Variants in PRKCA observed in about 807,000 individuals in gnomAD.
PRKCA encodes protein kinase C alpha.
In PRKCA, 27 loss-of-function variants were observed where a neutral mutation model predicts 87.0. The observed-to-expected ratio is 0.31, with a 90% CI of 0.23 to 0.43. PRKCA has a LOEUF of 0.43. Among genes scored for constraint, PRKCA ranks in the 20% least tolerant of loss-of-function variants. PRKCA has a pLI of 1.00. For missense variants in PRKCA, 518 were observed against 852.3 expected, an observed-to-expected ratio of 0.61 and a Z score of 4.88; for synonymous variants, 329 against 311.1, an observed-to-expected ratio of 1.06 and a Z score of -0.61.
At chr17:66,452,127 A>T (rs1914357212) in intron 2 of PRKCA, among the ~76,000 whole-genome samples, 1 of 152,214 alleles carries the variant, frequency 6.6e-6, no homozygotes, top group Admixed American at 6.5e-5. Flanking sequence ...GAACCAAGAC[A>T]TCAGGTGACC....
intron 13 of PRKCA, among the ~76,000 whole-genome samples, chr17:66,751,158 G>A (rs1391935825): frequency 6.6e-6 from 1 of 152,256 alleles, no homozygotes; most frequent in East Asian, 1.9e-4. Flanking sequence ...GCGATGGCAG[G>A]ATGGAGGTGG....
At chr17:66,579,774 A>C (rs1367663838) in intron 3 of PRKCA, among the ~76,000 whole-genome samples, 1 of 152,108 alleles carries the variant, frequency 6.6e-6, no homozygotes, top group Non-Finnish European at 1.5e-5. Flanking sequence ...GTGAGTGATG[A>C]AATTTGGATT....
In PRKCA at chr17:66,774,173, G is replaced by C. The variant is rs1030498019; in HGVS notation, c.1605+106G>C. 16 of 1,586,856 alleles carry C rather than the reference G, an allele frequency of 1.0e-5. No homozygotes were observed. In the Admixed American group the frequency reaches 1.6e-4, roughly 16 times the overall value. On this transcript the variant is annotated intron_variant, in intron 14 of 16. Coordinates refer to ENST00000413366, the MANE Select transcript of PRKCA (RefSeq NM_002737.3). ...GACCTGACGTTTTAGTGCAGCTGGT[G>C]TTGGCGTGACTTCCCTGACCCAGGC...
chr17:66,520,281 C>T (rs1032025131), intron 3 of PRKCA, among the ~76,000 whole-genome samples: 6 of 151,838 alleles, frequency 4.0e-5, no homozygotes, highest in Non-Finnish European at 7.4e-5. Flanking sequence ...CCACCATGCC[C>T]GGCTAATTTT....
chr17:66,380,995 A>C (rs917570907), intron 2 of PRKCA, among the ~76,000 whole-genome samples: 16 of 150,008 alleles, frequency 1.1e-4, no homozygotes, highest in Non-Finnish European at 5.9e-5. Context: ...GCTAGAGTAC[A>C]GTGGCACCAT....
At chr17:66,705,089 T>G (rs990168495) in intron 8 of PRKCA, among the ~76,000 whole-genome samples, 3 of 152,134 alleles carry the variant, frequency 2.0e-5, no homozygotes, top group African/African-American at 7.2e-5. Flanking sequence ...AACAAAAAAA[T>G]CTATGTGCCC....
At chr17:66,390,683 A>AC (rs1193502890) in intron 2 of PRKCA, among the ~76,000 whole-genome samples, 1 of 151,052 alleles carries the variant, frequency 6.6e-6, no homozygotes, top group Non-Finnish European at 1.5e-5. Context: ...TAATTATGTG[A>AC]CCCCCCTGGG....
intron 3 of PRKCA, among the ~76,000 whole-genome samples, chr17:66,555,026 C>T (rs1323285341): frequency 3.3e-5 from 5 of 152,026 alleles, no homozygotes; most frequent in South Asian, 2.1e-4. Flanking sequence ...TACAGGCGCA[C>T]GCTGCCATGC....
chr17:66,540,694 C>G (rs911035714), intron 3 of PRKCA, among the ~76,000 whole-genome samples: 2 of 152,194 alleles, frequency 1.3e-5, no homozygotes, highest in Admixed American at 1.3e-4. Context: ...AGGCTGTAGG[C>G]TCTGTGAGAC....
intron 2 of PRKCA, among the ~76,000 whole-genome samples, chr17:66,469,184 C>T (rs1257167246): frequency 6.6e-6 from 1 of 152,184 alleles, no homozygotes; most frequent in Non-Finnish European, 1.5e-5. Context: ...TCCTCTACCC[C>T]CAGCCAGAGC....
At chr17:66,443,014 T>C (rs1913854913) in intron 2 of PRKCA, among the ~76,000 whole-genome samples, 1 of 152,222 alleles carries the variant, frequency 6.6e-6, no homozygotes, top group Admixed American at 6.5e-5. Flanking sequence ...TTTTTGGTTA[T>C]CATCTGACGT....
chr17:66,552,841 G>A (rs1296267969), intron 3 of PRKCA, among the ~76,000 whole-genome samples: 4 of 152,134 alleles, frequency 2.6e-5, no homozygotes, highest in Non-Finnish European at 5.9e-5. Context: ...GTCAGATGCC[G>A]CCTCCCGCCA....
chr17:66,328,187 T>C (rs1906102000), intron 2 of PRKCA, among the ~76,000 whole-genome samples: 2 of 152,102 alleles, frequency 1.3e-5, no homozygotes, highest in African/African-American at 4.8e-5. Flanking sequence ...TGTTAACAGA[T>C]GCATGCCCCT....
intron 2 of PRKCA, among the ~76,000 whole-genome samples, chr17:66,453,200 G>A (rs960352474): frequency 1.3e-5 from 2 of 152,178 alleles, no homozygotes; most frequent in Admixed American, 1.3e-4. Flanking sequence ...GAGGCTCTGG[G>A]GTAAGGCAGG....
chr17:66,575,585 AT>A, intron 3 of PRKCA, among the ~76,000 whole-genome samples: 1 of 152,298 alleles, frequency 6.6e-6, no homozygotes, highest in South Asian at 2.1e-4. Context: ...TCTTAAAAAA[AT>A]AAAGTTGTTT....
chr17:66,635,706 C>G (rs990979887), intron 3 of PRKCA, among the ~76,000 whole-genome samples: 1 of 152,158 alleles, frequency 6.6e-6, no homozygotes, highest in South Asian at 2.1e-4. Context: ...ATTCCCTATT[C>G]AGTAAACAGT....
At chr17:66,675,049 C>T (rs574196067) in intron 5 of PRKCA, among the ~76,000 whole-genome samples, 2 of 152,344 alleles carry the variant, frequency 1.3e-5, no homozygotes, top group South Asian at 2.1e-4. Context: ...TCTCTGTTGC[C>T]GGGACTTCTC....
chr17:66,742,868 C>T (rs1200723863), intron 13 of PRKCA, 108 bp downstream of exon 13: 2 of 1,297,264 alleles, frequency 1.5e-6, no homozygotes, highest in African/African-American at 3.0e-5. Flanking sequence ...TGCATGGTCA[C>T]AGCCACTAAA....
In PRKCA at chr17:66,561,350, C is replaced by T. The variant is rs183984529; in HGVS notation, c.288+65067C>T. Among the ~76,000 whole-genome samples, 60 of 152,264 alleles carry T rather than the reference C, an allele frequency of 3.9e-4. 1 individual carries two copies. Among genetic ancestry groups the T allele is most frequent in the Non-Finnish European group, 2.4e-4 (16 of 68,030 alleles). ...TGTGAAACTCAACTAGAGTGCAGCTCGATGCTACTCTGCCAAGAGAACAGG... is the reference window on the plus strand; with the variant it reads ...TGTGAAACTCAACTAGAGTGCAGCTTGATGCTACTCTGCCAAGAGAACAGG... On this transcript the variant is annotated intron_variant, in intron 3 of 16. Transcript: ENST00000413366.
Sources: allele counts gnomAD v4.1 joint callset (sites outside exome capture counted in the v4.1 genomes callset), GRCh38; gene constraint gnomAD v4.1.1; transcripts MANE v1.5; gene names NCBI Gene and HGNC (gene_info 2026-07-23, HGNC 2026-07-21).